The following RASL10B variants were observed in gnomAD, a reference collection of about 807,000 sequenced individuals.
The protein encoded by RASL10B is ras-like protein family member 10B.
A neutral mutation model predicts 20.7 loss-of-function variants in RASL10B; 10 were observed. The observed-to-expected ratio is 0.48, with a 90% CI of 0.30 to 0.82. The LOEUF (loss-of-function observed/expected upper bound fraction) is 0.82, where lower values mean the gene tolerates loss of function less well. RASL10B is among the 40% of genes least tolerant of loss of function. The pLI, the probability that RASL10B is intolerant of heterozygous loss-of-function variation, is 0.07. For synonymous variants in RASL10B, 110 were observed against 123.3 expected, an observed-to-expected ratio of 0.89 and a Z score of 0.72; for missense variants, 231 against 295.4, an observed-to-expected ratio of 0.78 and a Z score of 1.60.
rs1221002214 is a variant in RASL10B, at chr17:35,740,545, GAACACAGT to G, written c.341+13_341+20del. 3.1e-6 allele frequency: 5 copies of G among 1,611,474 alleles called. No homozygotes were observed. The highest frequency in any genetic ancestry group is 4.2e-6 in the Non-Finnish European group (5 of 1,178,592). On this transcript the variant is annotated intron_variant, in intron 3 of 3. Transcript: ENST00000603017. ...ATCCTGGAGACGAGGTGAGAGGCTG[GAACACAGT>G]CCATTGCCACCTCTGTGGATGCCCC...
At chr17:35,732,080 A>C (rs2085561704) in intron 1 of RASL10B, among the ~76,000 whole-genome samples, 1 of 151,986 alleles carries the variant, frequency 6.6e-6, no homozygotes, top group Non-Finnish European at 1.5e-5. Context: ...GGGTGCCTGC[A>C]AGGTGCTGGA....
At chr17:35,736,098 C>A (rs921005570) in intron 2 of RASL10B, among the ~76,000 whole-genome samples, 1 of 152,198 alleles carries the variant, frequency 6.6e-6, no homozygotes, top group African/African-American at 2.4e-5. Context: ...ACCCTCCCTG[C>A]CAGGTTTGGA....
At chr17:35,734,640 A>C (rs226422) in intron 1 of RASL10B, among the ~76,000 whole-genome samples, 61,005 of 151,980 alleles carry the variant, frequency 0.4, 13,865 homozygotes, top group African/African-American at 0.63. Context: ...TCCCCACAAA[A>C]TGTCAGGAGT....
chr17:35,741,700 T>A lies in RASL10B; in HGVS notation c.*395T>A, dbSNP rs587631571. ...TTGCCTGGTGTCTTCCTTTCCCGTG[T>A]CCGCCCACCCCAGCGTCTGTTGGTA... On this transcript the variant is annotated 3_prime_UTR_variant, in exon 4 of 4. Coordinates refer to ENST00000603017, the MANE Select transcript of RASL10B (RefSeq NM_033315.4). 2.0e-5 allele frequency: 4 copies of A among 196,304 alleles called. No homozygotes were observed. In the South Asian group the frequency reaches 7.2e-4, roughly 35 times the overall value. The allele number at this position is 196,304 out of a possible 1,614,324, so 12.2% of individuals were successfully genotyped here.
chr17:35,733,750 T>G (rs1555596676), intron 1 of RASL10B, among the ~76,000 whole-genome samples: 1 of 152,184 alleles, frequency 6.6e-6, no homozygotes, highest in Non-Finnish European at 1.5e-5. Flanking sequence ...GCTAAGAGAT[T>G]TACTTGGATT....
rs1568095758 is a variant in RASL10B, at chr17:35,742,642, T to C, written c.*1337T>C. On this transcript the variant is annotated 3_prime_UTR_variant, in exon 4 of 4. Transcript: ENST00000603017. ...AAGATTCTAGGAATGGCATGAGGGATTGATGGGGGACTTGGAGGGAGGGAC... is the reference window on the plus strand; with the variant it reads ...AAGATTCTAGGAATGGCATGAGGGACTGATGGGGGACTTGGAGGGAGGGAC... 6.6e-6 allele frequency: 1 copy of C among 152,626 alleles called. No homozygotes were observed. Among genetic ancestry groups the C allele is most frequent in the Non-Finnish European group, 1.5e-5 (1 of 68,072 alleles). The allele number at this position is 152,626 out of a possible 1,614,324, so 9.5% of individuals were successfully genotyped here. A position where few individuals can be genotyped will look rare whatever the true frequency, so the allele number is the denominator to read the frequency against.
Position 35,735,489 on chromosome 17 carries a change from T to C in RASL10B, c.216+89T>C. The C allele has an allele frequency of 1.6e-6, 2 of 1,230,978 alleles. No homozygotes were observed. The highest frequency in any genetic ancestry group is 2.3e-6 in the Non-Finnish European group (2 of 862,348). 76.3% of individuals were successfully genotyped at this position (1,230,978 alleles called of 1,614,324 possible). On this transcript the variant is annotated intron_variant, in intron 2 of 3. Transcript: ENST00000603017. This position sits in a 1 kb window ranked among gnomAD's most constrained non-coding sequence, Gnocchi z 6.7. ...CCAAACTGCTGTAGCTTGGGCCCTA[T>C]TGCCAGGGCCCCATCACTGAGTTTG... is the stretch of plus-strand genomic sequence containing the variant.
chr17:35,739,009 A>G (rs1439754530), intron 2 of RASL10B, among the ~76,000 whole-genome samples: 5 of 152,204 alleles, frequency 3.3e-5, no homozygotes, highest in African/African-American at 1.2e-4. Flanking sequence ...CCCTGGCCTA[A>G]GAAACCAGTT....
intron 3 of RASL10B, 96 bp from the exon 4 acceptor site, chr17:35,740,939 C>T (rs1598390743): frequency 2.9e-6 from 3 of 1,024,020 alleles, no homozygotes; most frequent in African/African-American, 3.2e-5. Flanking sequence ...GCAGAACCTA[C>T]GGTGGTGGTA....
At chr17:35,739,848 G>C (rs782281122) in intron 2 of RASL10B, among the ~76,000 whole-genome samples, 1 of 152,194 alleles carries the variant, frequency 6.6e-6, no homozygotes, top group Non-Finnish European at 1.5e-5. Context: ...AGGATGGCCT[G>C]GCTGTGGCCT....
At chr17:35,737,843 C>T (rs1307074201) in intron 2 of RASL10B, among the ~76,000 whole-genome samples, 1 of 149,160 alleles carries the variant, frequency 6.7e-6, no homozygotes, top group Non-Finnish European at 1.5e-5. Context: ...GTTGAGGCTG[C>T]AGTGAGCTGA....
At position 35,743,430 on chromosome 17, in the gene RASL10B, C is replaced by G. The variant is rs1157521914; in HGVS notation, c.*2125C>G. The G allele has an allele frequency of 6.5e-6, 1 of 152,834 alleles. No homozygotes were observed. The highest frequency in any genetic ancestry group is 1.9e-4 in the East Asian group (1 of 5,202). 9.5% of individuals were successfully genotyped at this position (152,834 alleles called of 1,614,324 possible). On this transcript the variant is annotated 3_prime_UTR_variant, in exon 4 of 4. Transcript: ENST00000603017. ...TCCTTCCACCCGCTCCCAGGGTTTC[C>G]CACCACAGGGTCTGGAAGTGTGTGT...
chr17:35,741,195 C>T lies in RASL10B; in HGVS notation c.502C>T (p.Leu168=), dbSNP rs1313379806. The change falls in exon 4 of 4, where the codon CTG becomes TTG. Residue 168 remains leucine (L), a synonymous_variant. Coordinates refer to ENST00000603017, the MANE Select transcript of RASL10B (RefSeq NM_033315.4). ...GGCCAAGTACAACTGGCACATCCTG[C>T]TGCTCTTCAGCGAGCTGCTCAAGAG... The part of the protein sequence containing the change: ...CSAKYNWHIL[L]LFSELLKSVG... 1.9e-6 allele frequency: 3 copies of T among 1,613,062 alleles called. No homozygotes were observed. The highest frequency in any genetic ancestry group is 2.5e-6 in the Non-Finnish European group (3 of 1,180,006).
intron 2 of RASL10B, among the ~76,000 whole-genome samples, chr17:35,737,544 A>C (rs1327014584): frequency 6.6e-6 from 1 of 152,108 alleles, no homozygotes; most frequent in Non-Finnish European, 1.5e-5. Flanking sequence ...TATCTGTGGG[A>C]TCAATTACCG....
At chr17:35,734,813 G>C (rs1479448875) in intron 1 of RASL10B, among the ~76,000 whole-genome samples, 1 of 152,146 alleles carries the variant, frequency 6.6e-6, no homozygotes, top group Non-Finnish European at 1.5e-5. Flanking sequence ...GTTGGACCTG[G>C]AGAAAAGTCA....
At chr17:35,733,211 C>T (rs1300165244) in intron 1 of RASL10B, among the ~76,000 whole-genome samples, 1 of 152,118 alleles carries the variant, frequency 6.6e-6, no homozygotes, top group African/African-American at 2.4e-5. Flanking sequence ...GCAGCCCCTC[C>T]TGGGATTGCT....
intron 2 of RASL10B, among the ~76,000 whole-genome samples, chr17:35,737,575 G>A (rs1327146265): frequency 6.6e-6 from 1 of 152,094 alleles, no homozygotes; most frequent in Non-Finnish European, 1.5e-5. Flanking sequence ...TGCTGGAAAT[G>A]GCACTGCTGG....
rs141374179 is a variant in RASL10B at position 35,740,411 on chromosome 17, G to A, written c.219G>A (p.Glu73=). The change falls in exon 3 of 4, where the codon GAG becomes GAA. Residue 73 remains glutamate (E), a splice_region_variant and synonymous_variant. Coordinates refer to ENST00000603017, the MANE Select transcript of RASL10B (RefSeq NM_033315.4). ...GGTACTGGCTGGGGATATTGCAGGA[G>A]TGGGCAGACACCTGCTGCAGGGGAC... ...ISAFPVNTLQ[E]WADTCCRGLR... 28 of 1,613,446 alleles carry A rather than the reference G, an allele frequency of 1.7e-5. No individual in the cohort carries two copies. The highest frequency in any genetic ancestry group is 2.3e-5 in the Non-Finnish European group (27 of 1,179,746).
rs2085628800 is a variant in RASL10B at position 35,741,416 on chromosome 17, T to C, written c.*111T>C. On this transcript the variant is annotated 3_prime_UTR_variant, in exon 4 of 4. Transcript: ENST00000603017. ...AAATGGAACTGTGACGGTCCCGGCC[T>C]GAGGCCCCTGCAGCCACGCACCTCC... The C allele has an allele frequency of 6.0e-6, 8 of 1,338,228 alleles. No individual in the cohort carries two copies. The highest frequency in any genetic ancestry group is 6.1e-5 in the East Asian group (2 of 32,910). 82.9% of individuals were successfully genotyped at this position (1,338,228 alleles called of 1,614,324 possible). A position where few individuals can be genotyped will look rare whatever the true frequency, so the allele number is the denominator to read the frequency against.
Sources: gnomAD v4.1 joint callset for allele counts (sites outside exome capture counted in the v4.1 genomes callset) on GRCh38, gnomAD v4.1.1 for gene constraint, Gnocchi (gnomAD v3.1) non-coding constraint, MANE v1.5 for transcripts, NCBI Gene and HGNC (gene_info 2026-07-23, HGNC 2026-07-21) for gene names.